SLC38A3: variants seen among roughly 807,000 people sequenced by gnomAD.
The protein encoded by SLC38A3 is solute carrier family 38 member 3.
SLC38A3 carries 17 observed loss-of-function variants against 59.5 expected under a neutral mutation model. The observed-to-expected ratio is 0.29, with a 90% CI of 0.20 to 0.43. The LOEUF (loss-of-function observed/expected upper bound fraction) is 0.43, where lower values mean the gene tolerates loss of function less well. Among genes scored for constraint, SLC38A3 ranks in the 20% least tolerant of loss-of-function variants. The probability of loss-of-function intolerance (pLI) is 1.00; values close to 1 mark genes in which losing one functional copy is unlikely to be tolerated. For synonymous variants in SLC38A3, 238 were observed against 260.3 expected (o/e 0.91, Z 0.82); for missense variants, 454 against 653.9 (o/e 0.69, Z 3.33).
At chr3:50,210,746 GCTCCTGGCCC>G (rs1699714492) in intron 1 of SLC38A3, among the ~76,000 whole-genome samples, 2 of 152,218 alleles carry the variant, frequency 1.3e-5, no homozygotes, top group Non-Finnish European at 1.5e-5. Flanking sequence ...CATCCCTGTG[GCTCCTGGCCC>G]CTCCTGGCCC....
At chr3:50,205,387 T>G (rs1252066438) in intron 1 of SLC38A3, 39 bp downstream of exon 1, 1 of 152,272 alleles carries the variant, frequency 6.6e-6, no homozygotes, top group Non-Finnish European at 1.5e-5. Context: ...CACAGGGGAA[T>G]CGGGTGGGCC....
rs1699802364 is a variant in SLC38A3, at chr3:50,215,370, T to G, written c.300-16T>G. On this transcript the variant is annotated splice_polypyrimidine_tract_variant and intron_variant, in intron 4 of 15. Coordinates refer to ENST00000614032, the MANE Select transcript of SLC38A3 (RefSeq NM_006841.6). The surrounding 1 kb of genome is among the most constrained non-coding windows in gnomAD (Gnocchi z 7.1). ...CCAGTGGCCTCTTTTTCTTCCATCTTCCCATGTGTCCCCAGGTTCCTGTTG... is the reference window on the plus strand; with the variant it reads ...CCAGTGGCCTCTTTTTCTTCCATCTGCCCATGTGTCCCCAGGTTCCTGTTG... The G allele has an allele frequency of 6.2e-7, 1 of 1,613,402 alleles. No homozygotes were observed.
chr3:50,208,818 G>A (rs1699681966), intron 1 of SLC38A3, among the ~76,000 whole-genome samples: 2 of 152,202 alleles, frequency 1.3e-5, no homozygotes, highest in South Asian at 4.1e-4. Context: ...GGATCAGTAT[G>A]CATGGACGCA....
At chr3:50,211,324 C>T (rs73835216) in intron 1 of SLC38A3, among the ~76,000 whole-genome samples, 2,694 of 152,332 alleles carry the variant, frequency 0.018, 92 homozygotes, top group African/African-American at 0.062. Flanking sequence ...CCCAGCCCTC[C>T]TCCCTGCCCT....
At chr3:50,213,575 G>T (rs1383336015) in intron 1 of SLC38A3, among the ~76,000 whole-genome samples, 1 of 152,244 alleles carries the variant, frequency 6.6e-6, no homozygotes, top group African/African-American at 2.4e-5. Context: ...GCCCACAGAG[G>T]GCTCTTTGTT....
chr3:50,218,514 G>A lies in SLC38A3; in HGVS notation c.1037-79G>A. The A allele has an allele frequency of 6.3e-7, 1 of 1,589,734 alleles. No homozygotes were observed. The highest frequency in any genetic ancestry group is 8.6e-7 in the Non-Finnish European group (1 of 1,166,930). On this transcript the variant is annotated intron_variant, in intron 12 of 15. Transcript: ENST00000614032. This position sits in a 1 kb window ranked among gnomAD's most constrained non-coding sequence, Gnocchi z 5.8. ...GTGAGTCTGCATGCCAATCCCCACA[G>A]TGTTGGGGTCCCCTAGGCAGCTCAG...
In SLC38A3 at chr3:50,218,397, C is replaced by T. The variant is rs1329085829; in HGVS notation, c.1036+27C>T. The T allele has an allele frequency of 1.3e-6, 2 of 1,565,676 alleles. No individual in the cohort carries two copies. Among genetic ancestry groups the T allele is most frequent in the East Asian group, 2.2e-5 (1 of 44,628 alleles). On this transcript the variant is annotated intron_variant, in intron 12 of 15. Transcript: ENST00000614032. This position sits in a 1 kb window ranked among gnomAD's most constrained non-coding sequence, Gnocchi z 5.8. ...TACGGTGGCACCGGTGGGCAGAGGCCTAGGCTAGGCTGGGGGGAAGGGGCT... is the reference window on the plus strand; with the variant it reads ...TACGGTGGCACCGGTGGGCAGAGGCTTAGGCTAGGCTGGGGGGAAGGGGCT...
In SLC38A3 at chr3:50,218,242, C is replaced by A. The variant is rs374851027; in HGVS notation, c.936-28C>A. 5.6e-6 allele frequency: 8 copies of A among 1,417,548 alleles called. No individual in the cohort carries two copies. Among genetic ancestry groups the A allele is most frequent in the African/African-American group, 5.5e-5 (4 of 72,112 alleles). The allele number at this position is 1,417,548 out of a possible 1,614,324, so 87.8% of individuals were successfully genotyped here. A position where few individuals can be genotyped will look rare whatever the true frequency, so the allele number is the denominator to read the frequency against. On this transcript the variant is annotated intron_variant, in intron 11 of 15. Coordinates refer to ENST00000614032, the MANE Select transcript of SLC38A3 (RefSeq NM_006841.6). This position sits in a 1 kb window ranked among gnomAD's most constrained non-coding sequence, Gnocchi z 5.8. ...CTCCCAATGTTACCCAGCTTGTCACCAACACCCACCCCCCCACTTCCCCAC... is the reference window on the plus strand; with the variant it reads ...CTCCCAATGTTACCCAGCTTGTCACAAACACCCACCCCCCCACTTCCCCAC...
rs201567897 is a variant in SLC38A3 at position 50,214,796 on chromosome 3, G to A, written c.299+28G>A. The A allele has an allele frequency of 2.8e-6, 4 of 1,452,774 alleles. No homozygotes were observed. The highest frequency in any genetic ancestry group is 3.8e-6 in the Non-Finnish European group (4 of 1,049,274). 90.0% of individuals were successfully genotyped at this position (1,452,774 alleles called of 1,614,324 possible). ...GAGTGCCCTCAGAGAAACTTCTAAA[G>A]ATAGGGGCCCTAAGCAAGCCACCAA... On this transcript the variant is annotated intron_variant, in intron 4 of 15. Coordinates refer to ENST00000614032, the MANE Select transcript of SLC38A3 (RefSeq NM_006841.6). The surrounding 1 kb of genome is among the most constrained non-coding windows in gnomAD (Gnocchi z 6.0).
rs979108847 is a variant in SLC38A3 at position 50,214,094 on chromosome 3, G to A, written c.-51-55G>A. On this transcript the variant is annotated intron_variant, in intron 1 of 15. Transcript: ENST00000614032. The surrounding 1 kb of genome is among the most constrained non-coding windows in gnomAD (Gnocchi z 6.0). ...TATGGCTGCAGGCCTCAGGTAGGAG[G>A]CTAGGCCGTAGGCCCAAGTAACGGG... 5.7e-6 allele frequency: 6 copies of A among 1,046,168 alleles called. No homozygotes were observed. Among genetic ancestry groups the A allele is most frequent in the Admixed American group, 2.1e-5 (1 of 47,962 alleles). The allele number at this position is 1,046,168 out of a possible 1,614,324, so 64.8% of individuals were successfully genotyped here.
chr3:50,213,625 G>A (rs1482359288), intron 1 of SLC38A3, among the ~76,000 whole-genome samples: 1 of 152,218 alleles, frequency 6.6e-6, no homozygotes, highest in Non-Finnish European at 1.5e-5. Flanking sequence ...TGGGAACAGG[G>A]CCCACAGCCC....
rs587754472 is a variant in SLC38A3 at position 50,219,904 on chromosome 3, A to T, written c.1330A>T (p.Ile444Phe). 1 of 1,613,040 alleles carries T rather than the reference A, an allele frequency of 6.2e-7. No individual in the cohort carries two copies. Among genetic ancestry groups the T allele is most frequent in the African/African-American group, 1.3e-5 (1 of 74,994 alleles). The change falls in exon 15 of 16, where the codon ATC becomes TTC. Residue 444 changes from isoleucine to phenylalanine, a missense_variant. Around this residue, in one of 3 missense-constraint regions of SLC38A3, gnomAD observed 5 missense variants for 25.2 expected, o/e 0.20. Coordinates refer to ENST00000614032, the MANE Select transcript of SLC38A3 (RefSeq NM_006841.6). Reference protein sequence around the residue: ...VIGATSAPFLIFIFPAIFYFR... With the variant: ...VIGATSAPFLFFIFPAIFYFR... ...AGGTGCCACATCTGCCCCATTCCTC[A>T]TCTTCATCTTCCCTGCCATCTTCTA...
chr3:50,219,070 G>T, intron 14 of SLC38A3, 122 bp downstream of exon 14: 1 of 1,267,606 alleles, frequency 7.9e-7, no homozygotes. Context: ...GCACAGTTTG[G>T]CCTTCCATCT....
At chr3:50,209,059 G>A (rs533954372) in intron 1 of SLC38A3, among the ~76,000 whole-genome samples, 7 of 152,296 alleles carry the variant, frequency 4.6e-5, no homozygotes, top group South Asian at 4.1e-4. Context: ...AGGGGATTCC[G>A]GGTCAGCAGG....
At position 50,215,473 on chromosome 3, in the gene SLC38A3, C is replaced by T. The variant is rs1699803678; in HGVS notation, c.373+14C>T. 1 of 1,613,806 alleles carries T rather than the reference C, an allele frequency of 6.2e-7. No homozygotes were observed. On this transcript the variant is annotated intron_variant, in intron 5 of 15. Coordinates refer to ENST00000614032, the MANE Select transcript of SLC38A3 (RefSeq NM_006841.6). The surrounding 1 kb of genome is among the most constrained non-coding windows in gnomAD (Gnocchi z 7.1). The stretch of plus-strand genomic sequence containing the variant: ...CAGGGGTCGTGGGTGAGCCTCACAC[C>T]AGCCTGGAATGGGCGGGAGCTGGTG...
chr3:50,219,565 G>A (rs937281456), intron 14 of SLC38A3, among the ~76,000 whole-genome samples: 1 of 152,326 alleles, frequency 6.6e-6, no homozygotes, highest in African/African-American at 2.4e-5. Context: ...AAATAACGGA[G>A]AAGCCTTCAA....
chr3:50,206,071 G>T (rs983506771), intron 1 of SLC38A3, among the ~76,000 whole-genome samples: 1 of 152,260 alleles, frequency 6.6e-6, no homozygotes, highest in African/African-American at 2.4e-5. Context: ...CGCAGCGCAC[G>T]GCGGAGAGAA....
chr3:50,209,732 C>T (rs1427636462), intron 1 of SLC38A3, among the ~76,000 whole-genome samples: 1 of 152,134 alleles, frequency 6.6e-6, no homozygotes, highest in African/African-American at 2.4e-5. Context: ...TCTCTCAGAT[C>T]CTCCTAGACA....
At chr3:50,208,236 GCT>G (rs1699671365) in intron 1 of SLC38A3, among the ~76,000 whole-genome samples, 1 of 151,614 alleles carries the variant, frequency 6.6e-6, no homozygotes, top group South Asian at 2.1e-4. Context: ...TCTTTCTGGG[GCT>G]CTCTTTTTCT....
Sources: allele counts gnomAD v4.1 joint callset (sites outside exome capture counted in the v4.1 genomes callset), GRCh38; gene constraint gnomAD v4.1.1; regional missense constraint gnomAD v4.1.1; non-coding constraint Gnocchi (gnomAD v3.1); transcripts MANE v1.5; gene names NCBI Gene and HGNC (gene_info 2026-07-23, HGNC 2026-07-21).